Variants in SCRN1 observed in about 807,000 individuals in gnomAD.
SCRN1 encodes secernin 1.
Under a neutral mutation model 43.3 loss-of-function variants are expected in SCRN1, and 19 were observed. The ratio of observed to expected loss-of-function variants is 0.44; its 90% confidence interval spans 0.31 to 0.64. The LOEUF is 0.64. Ranked by LOEUF, SCRN1 falls within the 30% of genes least tolerant of loss-of-function variation. The probability of loss-of-function intolerance (pLI) is 0.09; values close to 1 mark genes in which losing one functional copy is unlikely to be tolerated. For missense variants in SCRN1, 447 were observed against 524.1 expected, an observed-to-expected ratio of 0.85 and a Z score of 1.44; for synonymous variants, 183 against 188.9, an observed-to-expected ratio of 0.97 and a Z score of 0.26.
In SCRN1 at chr7:29,989,622, C is replaced by T. The variant is rs549045462; in HGVS notation, c.-2+20G>A. ...GGAAAGCAGCGCTGCAAACGCCCTG[C>T]GCTCCCAGACGCGGCTCACCTGGGG... is the stretch of plus-strand genomic sequence containing the variant. On this transcript the variant is annotated intron_variant, in intron 1 of 7. Coordinates refer to ENST00000242059, the MANE Select transcript of SCRN1 (RefSeq NM_014766.5). 6.9e-5 allele frequency: 68 copies of T among 985,642 alleles called. 1 individual carries two copies. In the African/African-American group the frequency reaches 1.1e-3, roughly 16 times the overall value. The allele number at this position is 985,642 out of a possible 1,614,324, so 61.1% of individuals were successfully genotyped here.
rs1168788059 is a variant in SCRN1, at chr7:29,921,342, G to T, written c.*2615C>A. The T allele has an allele frequency of 6.6e-6, 1 of 152,286 alleles. No individual in the cohort carries two copies. The highest frequency in any genetic ancestry group is 1.5e-5 in the Non-Finnish European group (1 of 68,034). The allele number at this position is 152,286 out of a possible 1,614,324, so 9.4% of individuals were successfully genotyped here. ...GGTCCACAAATTATTCATGTAACAA[G>T]CATTTTTCAAAAGCAAAATCTGTTA... On this transcript the variant is annotated 3_prime_UTR_variant, in exon 8 of 8. Transcript: ENST00000242059.
upstream of SCRN1, chr7:29,989,893 G>A: frequency 9.5e-7 from 1 of 1,052,592 alleles, no homozygotes; most frequent in Non-Finnish European, 1.1e-6. Context: ...GGCCCCCGGG[G>A]CCCCGCCGCA....
intron 1 of SCRN1, among the ~76,000 whole-genome samples, chr7:29,983,343 C>A (rs966066933): frequency 2.7e-5 from 4 of 150,460 alleles, no homozygotes; most frequent in Non-Finnish European, 5.9e-5. Flanking sequence ...GGGAGATATA[C>A]CTAATGCTAG....
intron 3 of SCRN1, among the ~76,000 whole-genome samples, chr7:29,954,162 T>G (rs1176641998): frequency 6.6e-6 from 1 of 152,094 alleles, no homozygotes; most frequent in African/African-American, 2.4e-5. Flanking sequence ...GACACAGCAG[T>G]GTACAGACAA....
At chr7:29,989,853 C>T (rs1239500114), upstream of SCRN1, 2 of 845,034 alleles carry the variant, frequency 2.4e-6, no homozygotes, top group Non-Finnish European at 2.6e-6. Flanking sequence ...CTCACGTGAC[C>T]GCGGGCCCAC....
chr7:29,969,096 A>C, intron 1 of SCRN1, 28 bp from the exon 2 acceptor site: 10 of 1,603,174 alleles, frequency 6.2e-6, no homozygotes, highest in Non-Finnish European at 8.5e-6. Context: ...GCAAGAGTGG[A>C]AGCAGGCCTC....
At chr7:29,987,152 C>T (rs1395957603) in intron 1 of SCRN1, among the ~76,000 whole-genome samples, 3 of 152,190 alleles carry the variant, frequency 2.0e-5, no homozygotes, top group Non-Finnish European at 4.4e-5. Flanking sequence ...CTCCTGCCAC[C>T]TTCTCCCTCT....
intron 4 of SCRN1, among the ~76,000 whole-genome samples, chr7:29,942,475 G>C (rs908358446): frequency 4.6e-5 from 7 of 152,222 alleles, no homozygotes; most frequent in Non-Finnish European, 1.0e-4. Flanking sequence ...AGATCAAAAA[G>C]TGTTAGGTTC....
chr7:29,957,073 T>A (rs893980433), intron 2 of SCRN1, among the ~76,000 whole-genome samples: 4 of 152,222 alleles, frequency 2.6e-5, no homozygotes, highest in African/African-American at 4.8e-5. Flanking sequence ...CTCAGCTTCT[T>A]AAGCACAGAT....
chr7:29,928,573 G>A (rs188856981), intron 6 of SCRN1, among the ~76,000 whole-genome samples: 2 of 152,296 alleles, frequency 1.3e-5, no homozygotes, highest in African/African-American at 4.8e-5. Flanking sequence ...CTCTATAGAT[G>A]ACGCAAATAT....
chr7:29,968,844 G>A, intron 2 of SCRN1, 65 bp downstream of exon 2: 1 of 1,588,324 alleles, frequency 6.3e-7, no homozygotes. Context: ...AGAAGTTAGG[G>A]TTGTGCTAGC....
At chr7:29,982,026 T>C (rs1789006518) in intron 1 of SCRN1, among the ~76,000 whole-genome samples, 2 of 152,200 alleles carry the variant, frequency 1.3e-5, no homozygotes, top group African/African-American at 4.8e-5. Flanking sequence ...TGATATACTC[T>C]GGCATAAAGC....
intron 6 of SCRN1, 68 bp downstream of exon 6, chr7:29,936,488 G>A (rs1787331088): frequency 5.8e-6 from 8 of 1,374,880 alleles, no homozygotes; most frequent in South Asian, 1.8e-5. Context: ...CGCTTACTAC[G>A]CACTTGCTGA....
At chr7:29,926,335 G>A in intron 7 of SCRN1, 117 bp downstream of exon 7, 3 of 1,103,920 alleles carry the variant, frequency 2.7e-6, no homozygotes, top group Non-Finnish European at 3.8e-6. Context: ...GAGAAGCCCG[G>A]TCACACTGGA....
intron 6 of SCRN1, among the ~76,000 whole-genome samples, chr7:29,927,949 C>T (rs947739155): frequency 2.0e-5 from 3 of 151,968 alleles, no homozygotes; most frequent in Non-Finnish European, 2.9e-5. Flanking sequence ...GGTAAAACCC[C>T]GTTTCTACTA....
chr7:29,938,487 G>A (rs1787417221), intron 5 of SCRN1, among the ~76,000 whole-genome samples: 1 of 152,376 alleles, frequency 6.6e-6, no homozygotes, highest in Admixed American at 6.5e-5. Flanking sequence ...AATCTCTGCA[G>A]CACTGTGACA....
chr7:29,967,887 GAAAGTTTGAC>G (rs1788547058), intron 2 of SCRN1, among the ~76,000 whole-genome samples: 1 of 152,174 alleles, frequency 6.6e-6, no homozygotes, highest in Non-Finnish European at 1.5e-5. Flanking sequence ...TAGCCATCGT[GAAAGTTTGAC>G]AACACATTCT....
At chr7:29,925,854 CAAAAAA>C (rs59395122) in intron 7 of SCRN1, among the ~76,000 whole-genome samples, 2 of 83,982 alleles carry the variant, frequency 2.4e-5, no homozygotes, top group South Asian at 8.2e-4. Flanking sequence ...ACTAAAAATA[CAAAAAA>C]AAAAAAAAAA....
intron 1 of SCRN1, among the ~76,000 whole-genome samples, chr7:29,982,759 G>A (rs1789029052): frequency 1.3e-5 from 2 of 151,484 alleles, no homozygotes; most frequent in South Asian, 4.2e-4. Context: ...AATACGTAGT[G>A]GAGTAAAAAT....
Sources: gnomAD v4.1 joint callset for allele counts (sites outside exome capture counted in the v4.1 genomes callset) on GRCh38, gnomAD v4.1.1 for gene constraint, MANE v1.5 for transcripts, NCBI Gene and HGNC (gene_info 2026-07-23, HGNC 2026-07-21) for gene names.